Variants in SDR42E2 observed in about 807,000 individuals in gnomAD.
The protein encoded by SDR42E2 is short chain dehydrogenase/reductase family 42E, member 2, also known as putative short-chain dehydrogenase/reductase family 42E member 2.
A neutral mutation model predicts 10.5 loss-of-function variants in SDR42E2; 20 were observed. That is an observed-to-expected ratio of 1.90 (90% CI 1.34 to 2.77). The LOEUF (loss-of-function observed/expected upper bound fraction) is 2.77, where lower values mean the gene tolerates loss of function less well. Ranked by LOEUF, SDR42E2 falls within the 30% of genes most tolerant of loss-of-function variation. SDR42E2 has a pLI of 0.00. For missense variants in SDR42E2, 162 were observed against 104.2 expected, an observed-to-expected ratio of 1.55 and a Z score of -2.42; for synonymous variants, 72 against 39.2, an observed-to-expected ratio of 1.84 and a Z score of -3.12.
At chr16:22,185,798 G>T (rs1235979241) in intron 11 of SDR42E2, among the ~76,000 whole-genome samples, 1 of 151,972 alleles carries the variant, frequency 6.6e-6, no homozygotes, top group Non-Finnish European at 1.5e-5. Context: ...TAGAGATGGG[G>T]GTCTTGCTAT....
intron 11 of SDR42E2, among the ~76,000 whole-genome samples, chr16:22,184,900 G>A (rs1443343671): frequency 6.6e-6 from 1 of 152,164 alleles, no homozygotes; most frequent in East Asian, 1.9e-4. Flanking sequence ...TGCGGGAGAG[G>A]CGGAGAGGCG....
chr16:22,181,383 C>T, intron 8 of SDR42E2, 136 bp from the exon 9 acceptor site: 1 of 625,990 alleles, frequency 1.6e-6, no homozygotes, highest in Non-Finnish European at 2.9e-6. Flanking sequence ...TGCTGATATT[C>T]AGAGAGCATT....
chr16:22,172,629 A>G (rs1277675881), intron 7 of SDR42E2, among the ~76,000 whole-genome samples: 1 of 152,130 alleles, frequency 6.6e-6, no homozygotes, highest in Non-Finnish European at 1.5e-5. Flanking sequence ...CCTGCACAGG[A>G]GTTGATCCAG....
chr16:22,165,746 C>T (rs887705965), intron 2 of SDR42E2, 109 bp downstream of exon 2: 2 of 402,190 alleles, frequency 5.0e-6, no homozygotes, highest in Non-Finnish European at 8.8e-6. Context: ...ATTCCAGGGC[C>T]TGGACTGGGG....
chr16:22,189,270 G>A (rs1426075774), intron 12 of SDR42E2, among the ~76,000 whole-genome samples: 1 of 152,136 alleles, frequency 6.6e-6, no homozygotes, highest in East Asian at 1.9e-4. Context: ...CTTCCCCAGG[G>A]TCCGGCTGAG....
intron 12 of SDR42E2, among the ~76,000 whole-genome samples, chr16:22,189,005 G>A (rs2046753468): frequency 6.6e-6 from 1 of 152,088 alleles, no homozygotes; most frequent in Non-Finnish European, 1.5e-5. Context: ...ACACAGAAGG[G>A]GCGCCTCAGC....
rs1487150601 is a variant in SDR42E2 at position 22,191,585 on chromosome 16, C to T, written c.*1192C>T. On this transcript the variant is annotated 3_prime_UTR_variant, in exon 13 of 13. Coordinates refer to ENST00000602312, the MANE Select transcript of SDR42E2 (RefSeq NM_001394319.2). ...CAGGGTTTGGGGAAAAACCGAGACTCAAGCTTCTGCCGAGCCCGACTTGGC... is the reference window on the plus strand; with the variant it reads ...CAGGGTTTGGGGAAAAACCGAGACTTAAGCTTCTGCCGAGCCCGACTTGGC... 6.6e-6 allele frequency: 1 copy of T among 152,036 alleles called. No individual in the cohort carries two copies. Among genetic ancestry groups the T allele is most frequent in the Non-Finnish European group, 1.5e-5 (1 of 68,034 alleles). The allele number at this position is 152,036 out of a possible 1,614,324, so 9.4% of individuals were successfully genotyped here.
chr16:22,169,983 G>C (rs2046581888), intron 5 of SDR42E2, among the ~76,000 whole-genome samples: 1 of 152,058 alleles, frequency 6.6e-6, no homozygotes, highest in Non-Finnish European at 1.5e-5. Context: ...AGTGAGCCGA[G>C]ATCGTGCCAC....
In SDR42E2 at chr16:22,170,354, C is replaced by CAATAAATA. The variant is rs534650764; in HGVS notation, c.395-460_395-453dup. On this transcript the variant is annotated intron_variant, in intron 5 of 12. Transcript: ENST00000602312. ...GGGCAACAAGAGTGAAACTCCGTCT[C>CAATAAATA]AATAAATAAATAAATAAATAAATAA... Among the ~76,000 whole-genome samples the CAATAAATA allele has an allele frequency of 2.6e-5, 4 of 151,986 alleles. No homozygotes were observed. In the East Asian group the frequency reaches 5.8e-4, roughly 22 times the overall value.
intron 10 of SDR42E2, 125 bp from the exon 11 acceptor site, chr16:22,184,056 C>T (rs1233671348): frequency 2.5e-6 from 1 of 396,194 alleles, no homozygotes; most frequent in Non-Finnish European, 4.5e-6. Context: ...CAGGGTCTGC[C>T]CCCTGGGGTG....
At chr16:22,174,636 T>C (rs2046629380) in intron 7 of SDR42E2, among the ~76,000 whole-genome samples, 1 of 147,202 alleles carries the variant, frequency 6.8e-6, no homozygotes, top group Admixed American at 7.0e-5. Flanking sequence ...CTCCCAGGAG[T>C]TTCAACCTTG....
At chr16:22,167,307 T>C (rs2046552284) in intron 4 of SDR42E2, among the ~76,000 whole-genome samples, 1 of 147,776 alleles carries the variant, frequency 6.8e-6, no homozygotes, top group Admixed American at 6.9e-5. Context: ...TGCCTCAGCC[T>C]CCTGAGTAGC....
chr16:22,187,820 G>A (rs148330956), intron 12 of SDR42E2, among the ~76,000 whole-genome samples: 271 of 152,046 alleles, frequency 1.8e-3, no homozygotes, highest in African/African-American at 5.6e-3. Context: ...CAGTCCAGTC[G>A]GGCACGGTGG....
chr16:22,190,082 T>A lies in SDR42E2; in HGVS notation c.1015-57T>A. On this transcript the variant is annotated intron_variant, in intron 12 of 12. Coordinates refer to ENST00000602312, the MANE Select transcript of SDR42E2 (RefSeq NM_001394319.2). ...TTTTCCCTTTCCGTAAACAACGAAG[T>A]AGAGGATGTCCTCCTCCCACGAGGC... is the stretch of plus-strand genomic sequence containing the variant. The A allele has an allele frequency of 1.2e-5, 5 of 400,718 alleles. No homozygotes were observed. In the Middle Eastern group the frequency reaches 1.6e-3, roughly 124 times the overall value. The allele number at this position is 400,718 out of a possible 1,614,324, so 24.8% of individuals were successfully genotyped here. A position where few individuals can be genotyped will look rare whatever the true frequency, so the allele number is the denominator to read the frequency against.
rs1339192850 is a variant in SDR42E2 at position 22,190,396 on chromosome 16, G to C, written c.*3G>C. The C allele has an allele frequency of 2.5e-6, 1 of 401,312 alleles. No homozygotes were observed. Among genetic ancestry groups the C allele is most frequent in the African/African-American group, 2.1e-5 (1 of 48,618 alleles). The allele number at this position is 401,312 out of a possible 1,614,324, so 24.9% of individuals were successfully genotyped here. On this transcript the variant is annotated 3_prime_UTR_variant, in exon 13 of 13. Coordinates refer to ENST00000602312, the MANE Select transcript of SDR42E2 (RefSeq NM_001394319.2). ...ACGCCGCCGTGGAGCGCCTGTGACCGTCCGCCGTCCGCCGCCCGCTAGGGT... is the reference window on the plus strand; with the variant it reads ...ACGCCGCCGTGGAGCGCCTGTGACCCTCCGCCGTCCGCCGCCCGCTAGGGT...
chr16:22,172,475 A>G, intron 7 of SDR42E2, 144 bp downstream of exon 7: 2 of 654,042 alleles, frequency 3.1e-6, no homozygotes, highest in Non-Finnish European at 5.6e-6. Context: ...CCCATTCATC[A>G]TTCAGCACAT....
intron 7 of SDR42E2, 71 bp downstream of exon 7, chr16:22,172,402 G>C (rs539860215): frequency 1.4e-6 from 1 of 702,422 alleles, no homozygotes; most frequent in Non-Finnish European, 2.6e-6. Flanking sequence ...ATACATGTGT[G>C]ATTCATGCTA....
intron 12 of SDR42E2, among the ~76,000 whole-genome samples, chr16:22,187,912 G>A (rs2046746697): frequency 6.6e-6 from 1 of 151,912 alleles, no homozygotes; most frequent in Non-Finnish European, 1.5e-5. Context: ...CCTGGCCAAC[G>A]CAGTGAAATC....
chr16:22,182,451 A>G (rs2046703672), intron 10 of SDR42E2, among the ~76,000 whole-genome samples, 174 bp downstream of exon 10: 1 of 151,944 alleles, frequency 6.6e-6, no homozygotes, highest in African/African-American at 2.4e-5. Context: ...GGTTCAAGCA[A>G]TTCTCATGCC....
Sources: allele counts gnomAD v4.1 joint callset (sites outside exome capture counted in the v4.1 genomes callset), GRCh38; gene constraint gnomAD v4.1.1; transcripts MANE v1.5; gene names NCBI Gene and HGNC (gene_info 2026-07-23, HGNC 2026-07-21).